Variants in CUX1 observed in about 807,000 individuals in gnomAD.
CUX1 encodes the protein protein CASP.
CUX1 carries 31 observed loss-of-function variants against 158.8 expected under a neutral mutation model. The ratio of observed to expected loss-of-function variants is 0.20; its 90% CI spans 0.15 to 0.26. CUX1 has a LOEUF of 0.26. CUX1 is among the 10% of genes least tolerant of loss of function. The pLI is 1.00. For missense variants in CUX1, 1,589 were observed against 2,014.6 expected, an observed-to-expected ratio of 0.79 and a Z score of 4.04; for synonymous variants, 879 against 862.1, an observed-to-expected ratio of 1.02 and a Z score of -0.34.
rs373335029 is a variant in CUX1, at chr7:102,201,779, G to A, written c.2482G>A (p.Val828Met). The A allele has an allele frequency of 2.5e-6, 4 of 1,612,750 alleles. No homozygotes were observed. The East Asian group carries it at 6.7e-5, about 27-fold the overall frequency. The change falls in exon 18 of 24, where the codon GTG (valine) becomes ATG (methionine). Residue 828 changes from valine to methionine, a missense_variant. Coordinates refer to ENST00000292535, the MANE Select transcript of CUX1 (RefSeq NM_181552.4). This position sits in a 1 kb window ranked among gnomAD's most constrained non-coding sequence, Gnocchi z 5.0. Reference protein sequence around the residue: ...GAWKDHWWSAVQPERRNAASS... With the variant: ...GAWKDHWWSAMQPERRNAASS... The stretch of plus-strand genomic sequence containing the variant: ...CTGGAAGGACCACTGGTGGAGCGCG[G>A]TGCAGCCGGAGAGAAGAAATGCCGC...
intron 1 of CUX1, among the ~76,000 whole-genome samples, chr7:101,903,521 A>G (rs1033905655): frequency 1.3e-5 from 2 of 152,206 alleles, no homozygotes; most frequent in Non-Finnish European, 2.9e-5. Context: ...TACTGCTTAT[A>G]AAACGGACAT....
chr7:102,121,066 AAAT>A (rs1182575940), intron 8 of CUX1, among the ~76,000 whole-genome samples: 1 of 152,226 alleles, frequency 6.6e-6, no homozygotes, highest in East Asian at 1.9e-4. Flanking sequence ...CCATCTCTAA[AAAT>A]AATAATAATA....
intron 17 of CUX1, chr7:102,277,803 C>A: frequency 2.2e-6 from 1 of 464,736 alleles, no homozygotes; most frequent in Non-Finnish European, 3.9e-6. Context: ...GTGGTGGGGC[C>A]ACAGTGGGGG....
At chr7:101,893,523 G>GC (rs1364111034) in intron 1 of CUX1, among the ~76,000 whole-genome samples, 1 of 152,094 alleles carries the variant, frequency 6.6e-6, no homozygotes, top group Non-Finnish European at 1.5e-5. Flanking sequence ...GGGTCACCTT[G>GC]CCCCCTGCGA....
At chr7:102,101,078 G>A (rs1554486198) in intron 5 of CUX1, among the ~76,000 whole-genome samples, 1 of 152,080 alleles carries the variant, frequency 6.6e-6, no homozygotes, top group African/African-American at 2.4e-5. Flanking sequence ...CCAGAGAGAG[G>A]CCACCAAGCC....
Position 102,083,008 on chromosome 7 carries a change from C to T in CUX1, c.268+12591C>T, listed in dbSNP as rs185509920. 1.0e-4 allele frequency among the ~76,000 whole-genome samples: 15 copies of T among 147,242 alleles called. No homozygotes were observed. The Admixed American group carries it at 1.0e-3, about 10-fold the overall frequency. On this transcript the variant is annotated intron_variant, in intron 4 of 23. Transcript: ENST00000292535. ...TGTACATTTTACCTGATAAGAAATGCCAAGCTGCTTTTCAATGTAGATGTA... is the reference window on the plus strand; with the variant it reads ...TGTACATTTTACCTGATAAGAAATGTCAAGCTGCTTTTCAATGTAGATGTA...
At chr7:102,197,386 C>T in intron 15 of CUX1, 81 bp downstream of exon 15, 4 of 1,443,034 alleles carry the variant, frequency 2.8e-6, no homozygotes, top group Middle Eastern at 1.9e-4. Flanking sequence ...GTGCGTGTGT[C>T]TGTGTGCGTG....
rs938208738 is a variant in CUX1, at chr7:101,869,196, G to C, written c.31-46919G>C. 6.6e-6 allele frequency among the ~76,000 whole-genome samples: 1 copy of C among 152,138 alleles called. No homozygotes were observed. The highest frequency in any genetic ancestry group is 1.5e-5 in the Non-Finnish European group (1 of 67,998). ...GGCAGGTAGGGGGAGACCAGGATGAGCCCCATGTGCGCGTGACCTGTGGCA... is the reference window on the plus strand; with the variant it reads ...GGCAGGTAGGGGGAGACCAGGATGACCCCCATGTGCGCGTGACCTGTGGCA... On this transcript the variant is annotated intron_variant, in intron 1 of 23. Transcript: ENST00000292535. The surrounding 1 kb of genome is among the most constrained non-coding windows in gnomAD (Gnocchi z 4.5).
At chr7:101,903,189 C>T (rs945835223) in intron 1 of CUX1, among the ~76,000 whole-genome samples, 2 of 152,106 alleles carry the variant, frequency 1.3e-5, no homozygotes, top group Non-Finnish European at 2.9e-5. Context: ...CCTCAGTAGC[C>T]CCTCCCCATC....
intron 2 of CUX1, among the ~76,000 whole-genome samples, chr7:101,951,575 G>T (rs1307532865): frequency 6.6e-6 from 1 of 151,474 alleles, no homozygotes; most frequent in Admixed American, 6.6e-5. Flanking sequence ...GCATGATCTC[G>T]GCTCACTGCA....
intron 1 of CUX1, among the ~76,000 whole-genome samples, chr7:101,892,236 G>C (rs1161021862): frequency 2.0e-5 from 3 of 152,184 alleles, no homozygotes; most frequent in Non-Finnish European, 2.9e-5. Flanking sequence ...GTTTAGTATC[G>C]TTCCTTTTTC....
chr7:102,185,488 C>T (rs1793524695), intron 11 of CUX1, among the ~76,000 whole-genome samples: 1 of 151,996 alleles, frequency 6.6e-6, no homozygotes, highest in African/African-American at 2.4e-5. Context: ...GGCACCATCA[C>T]AGCTCACTGG....
intron 2 of CUX1, among the ~76,000 whole-genome samples, chr7:101,989,362 C>T (rs554390558): frequency 2.0e-5 from 3 of 152,340 alleles, no homozygotes; most frequent in Non-Finnish European, 2.9e-5. Flanking sequence ...TGCCGAGGCT[C>T]GGCGTGCCGC....
chr7:102,047,683 T>C (rs1822990159), intron 3 of CUX1, among the ~76,000 whole-genome samples: 1 of 152,206 alleles, frequency 6.6e-6, no homozygotes. Flanking sequence ...AGTAAAATCA[T>C]CCAACTTGTA....
At chr7:101,980,829 C>T (rs1184536662) in intron 2 of CUX1, among the ~76,000 whole-genome samples, 1 of 152,156 alleles carries the variant, frequency 6.6e-6, no homozygotes, top group East Asian at 1.9e-4. Flanking sequence ...CAGTGCCCCA[C>T]ACCCCGTGGG....
At chr7:101,826,682 C>T (rs768184469) in intron 1 of CUX1, among the ~76,000 whole-genome samples, 36 of 152,226 alleles carry the variant, frequency 2.4e-4, no homozygotes, top group Admixed American at 4.6e-4. Context: ...GCTTGGAAGG[C>T]GGGTCGGGGA....
chr7:102,240,789 A>G (rs1178967810), intron 23 of CUX1, among the ~76,000 whole-genome samples: 1 of 152,186 alleles, frequency 6.6e-6, no homozygotes, highest in South Asian at 2.1e-4. Flanking sequence ...TCACAAATGT[A>G]TATGAGATAC....
intron 2 of CUX1, among the ~76,000 whole-genome samples, chr7:102,015,841 G>C (rs1299519995): frequency 1.3e-5 from 2 of 151,844 alleles, no homozygotes; most frequent in Non-Finnish European, 2.9e-5. Flanking sequence ...TTGGAAGCAG[G>C]GTCTCACCCT....
intron 3 of CUX1, among the ~76,000 whole-genome samples, chr7:102,030,068 A>G (rs941049958): frequency 4.0e-5 from 6 of 151,718 alleles, no homozygotes; most frequent in Middle Eastern, 3.4e-3. Context: ...CTGGAGTGCA[A>G]TGGCACAATC....
Sources: allele counts gnomAD v4.1 joint callset (sites outside exome capture counted in the v4.1 genomes callset), GRCh38; gene constraint gnomAD v4.1.1; non-coding constraint Gnocchi (gnomAD v3.1); transcripts MANE v1.5; gene names NCBI Gene and HGNC (gene_info 2026-07-23, HGNC 2026-07-21).